Variants in USH2A observed in about 807,000 individuals in gnomAD.
The protein encoded by USH2A is Usher syndrome 2A (autosomal recessive, mild).
In USH2A, 443 loss-of-function variants were observed where a neutral mutation model predicts 538.9. That is an observed-to-expected ratio of 0.82 (90% CI 0.76 to 0.89). USH2A has a LOEUF of 0.89. USH2A is among the 40% of genes least tolerant of loss of function. The pLI is 0.00. For synonymous variants in USH2A, 2,413 were observed against 2,273.5 expected (o/e 1.06, Z -1.75); for missense variants, 6,633 against 6,324.8 (o/e 1.05, Z -1.65).
intron 15 of USH2A, among the ~76,000 whole-genome samples, chr1:216,214,882 A>C (rs1373662871): frequency 3.3e-5 from 5 of 152,024 alleles, no homozygotes; most frequent in Non-Finnish European, 7.4e-5. Context: ...GTATAATTTT[A>C]GTTAGGTTCA....
intron 47 of USH2A, among the ~76,000 whole-genome samples, chr1:215,835,635 A>G (rs920068776): frequency 2.0e-4 from 31 of 152,130 alleles, no homozygotes; most frequent in Non-Finnish European, 2.9e-5. Flanking sequence ...TTATTTGTTA[A>G]CAGTTGTGTC....
intron 49 of USH2A, among the ~76,000 whole-genome samples, chr1:215,805,768 A>C (rs1662482565): frequency 6.6e-6 from 1 of 152,072 alleles, no homozygotes; most frequent in Non-Finnish European, 1.5e-5. Flanking sequence ...CTTCTAAATT[A>C]CAAGAGCTTG....
rs773237799 is a variant in USH2A, at chr1:215,675,039, G to T, written c.12872C>A (p.Ser4291Tyr). 2.4e-5 allele frequency: 39 copies of T among 1,614,164 alleles called. No individual in the cohort carries two copies. Among genetic ancestry groups the T allele is most frequent in the Non-Finnish European group, 3.3e-5 (39 of 1,180,026 alleles). ...LLISWIPPEQ[S>Y]NGIIQSYRLQ... ...CCTATAGGACTGGATAATACCATTA[G>T]ACTGTTCTGGTGGGATCCAGGAAAT... Residue 4291 changes from serine (S) to tyrosine (Y), a missense_variant, in exon 63 of 72, where the codon TCT becomes TAT. Coordinates refer to ENST00000307340, the MANE Select transcript of USH2A (RefSeq NM_206933.4).
chr1:216,153,184 G>A (rs1175678500), intron 21 of USH2A, among the ~76,000 whole-genome samples: 1 of 152,040 alleles, frequency 6.6e-6, no homozygotes, highest in Non-Finnish European at 1.5e-5. Flanking sequence ...ATTCTTCTTG[G>A]ACACCGGACA....
At chr1:215,922,458 C>T (rs1231203570) in intron 38 of USH2A, among the ~76,000 whole-genome samples, 1 of 152,084 alleles carries the variant, frequency 6.6e-6, no homozygotes, top group African/African-American at 2.4e-5. Flanking sequence ...ATTCAAAGAC[C>T]AGTTGAGCAT....
intron 21 of USH2A, among the ~76,000 whole-genome samples, chr1:216,135,134 ACTCTCTCT>A (rs10560983): frequency 0.096 from 11,630 of 120,816 alleles, 608 homozygotes; most frequent in South Asian, 0.22. Context: ...GGAGCCTGAA[ACTCTCTCT>A]CTCTCTCTCT....
intron 11 of USH2A, among the ~76,000 whole-genome samples, chr1:216,256,587 A>G (rs2036264681): frequency 6.6e-6 from 1 of 151,948 alleles, no homozygotes; most frequent in Admixed American, 6.6e-5. Context: ...TCTGCCAGCC[A>G]TGAGGCCACA....
At chr1:215,901,702 T>A (rs1349085860) in intron 38 of USH2A, among the ~76,000 whole-genome samples, 1 of 152,146 alleles carries the variant, frequency 6.6e-6, no homozygotes, top group Non-Finnish European at 1.5e-5. Context: ...AACAGGAATG[T>A]GTAAAACTAA....
chr1:216,249,962 C>T (rs989703641), intron 12 of USH2A, among the ~76,000 whole-genome samples: 1 of 151,802 alleles, frequency 6.6e-6, no homozygotes, highest in Non-Finnish European at 1.5e-5. Context: ...GTTAGAAAAA[C>T]CATGGATGAC....
At chr1:215,850,148 A>G (rs995013915) in intron 44 of USH2A, among the ~76,000 whole-genome samples, 2 of 152,132 alleles carry the variant, frequency 1.3e-5, no homozygotes, top group African/African-American at 4.8e-5. Context: ...CATAACAACA[A>G]TATTAACAAT....
At chr1:215,952,900 A>G (rs1212418974) in intron 37 of USH2A, among the ~76,000 whole-genome samples, 1 of 152,142 alleles carries the variant, frequency 6.6e-6, no homozygotes, top group Non-Finnish European at 1.5e-5. Flanking sequence ...AAAAATCACA[A>G]GCATTCTTAT....
intron 35 of USH2A, among the ~76,000 whole-genome samples, chr1:215,987,713 C>G (rs1004221846): frequency 1.3e-5 from 2 of 152,098 alleles, no homozygotes; most frequent in African/African-American, 4.8e-5. Context: ...ACAGAAATGT[C>G]CATCAATAAA....
In USH2A at chr1:216,198,519, C is replaced by G; in HGVS notation, c.3877G>C (p.Glu1293Gln). The G allele has an allele frequency of 1.2e-6, 2 of 1,613,924 alleles. No homozygotes were observed. Among genetic ancestry groups the G allele is most frequent in the Non-Finnish European group, 1.7e-6 (2 of 1,179,962 alleles). The change falls in exon 18 of 72, where the codon GAA becomes CAA. Residue 1293 changes from glutamate to glutamine, a missense_variant. Physicochemically the swap from Glu to Gln is conservative, Grantham distance 29 (BLOSUM62 2). Transcript: ENST00000307340. ...LRSTKETTSEESRVFQSSGWL... is the reference protein window; with the variant it reads ...LRSTKETTSEQSRVFQSSGWL... ...CCACTGCTCTGAAAAACTCGACTTT[C>G]CTCAGATGTGGTTTCTTTAGTAGAT...
At chr1:215,699,660 G>T (rs1428494089) in intron 61 of USH2A, among the ~76,000 whole-genome samples, 3 of 152,158 alleles carry the variant, frequency 2.0e-5, no homozygotes, top group Non-Finnish European at 4.4e-5. Context: ...TTTGCACATT[G>T]ATTTTGTATC....
intron 37 of USH2A, among the ~76,000 whole-genome samples, chr1:215,958,481 G>T (rs902287231): frequency 6.6e-6 from 1 of 152,014 alleles, no homozygotes; most frequent in Non-Finnish European, 1.5e-5. Context: ...AATTTCTTTT[G>T]TTTTTAGATG....
intron 21 of USH2A, among the ~76,000 whole-genome samples, chr1:216,134,479 G>C (rs1035972397): frequency 1.3e-5 from 2 of 151,944 alleles, no homozygotes; most frequent in African/African-American, 4.8e-5. Flanking sequence ...CAGAAAACAG[G>C]GAGTCAACAG....
intron 15 of USH2A, among the ~76,000 whole-genome samples, chr1:216,213,001 A>G (rs992048228): frequency 5.9e-5 from 9 of 152,120 alleles, no homozygotes; most frequent in African/African-American, 2.2e-4. Flanking sequence ...GCATAAAAGG[A>G]ACAGTGCATA....
chr1:215,954,061 A>G (rs1405178306), intron 37 of USH2A, among the ~76,000 whole-genome samples: 1 of 152,190 alleles, frequency 6.6e-6, no homozygotes, highest in African/African-American at 2.4e-5. Flanking sequence ...AAGTCAGGAA[A>G]CAACAGGTGC....
At chr1:215,911,793 C>T (rs375186967) in intron 38 of USH2A, among the ~76,000 whole-genome samples, 11 of 152,164 alleles carry the variant, frequency 7.2e-5, no homozygotes, top group African/African-American at 2.4e-4. Flanking sequence ...AAATGGTTCT[C>T]CATAGTGGTT....
Sources: allele counts gnomAD v4.1 joint callset (sites outside exome capture counted in the v4.1 genomes callset), GRCh38; gene constraint gnomAD v4.1.1; transcripts MANE v1.5; gene names NCBI Gene and HGNC (gene_info 2026-07-23, HGNC 2026-07-21).